Variants in CCDC186 observed in about 807,000 individuals in gnomAD.
CCDC186 encodes coiled-coil domain containing 186.
Under a neutral mutation model 113.7 loss-of-function variants are expected in CCDC186, and 49 were observed. The ratio of observed to expected loss-of-function variants is 0.43; its 90% confidence interval spans 0.34 to 0.55. The LOEUF (loss-of-function observed/expected upper bound fraction) is 0.55, where lower values mean the gene tolerates loss of function less well. CCDC186 is among the 20% of genes least tolerant of loss of function. The pLI, the probability that CCDC186 is intolerant of heterozygous loss-of-function variation, is 0.02. For synonymous variants in CCDC186, 355 were observed against 345.8 expected (o/e 1.03, Z -0.30); for missense variants, 890 against 1,011.1 (o/e 0.88, Z 1.62).
Position 114,163,191 on chromosome 10 carries a change from T to A in CCDC186, c.78A>T (p.Ser26=), listed in dbSNP as rs745665686. The change falls in exon 2 of 16, where the codon TCA becomes TCT. Residue 26 remains serine, a synonymous_variant. Coordinates refer to ENST00000369287, the MANE Select transcript of CCDC186 (RefSeq NM_018017.4). ...TTTCATTGCCAGAAAACAAGTTGCA[T>A]GAGTCTTCCTTTAATTCAGGTGTTT... ...VGKTPELKED[S]CNLFSGNESS... is the part of the protein sequence containing the mutation. 2 of 1,614,044 alleles carry A rather than the reference T, an allele frequency of 1.2e-6. No homozygotes were observed. Among genetic ancestry groups the A allele is most frequent in the Non-Finnish European group, 8.5e-7 (1 of 1,180,008 alleles).
chr10:114,123,309 A>C lies in CCDC186; in HGVS notation c.*1834T>G, dbSNP rs528322138. The C allele has an allele frequency of 3.3e-5, 5 of 152,714 alleles. No homozygotes were observed. In the East Asian group the frequency reaches 7.7e-4, roughly 24 times the overall value. 9.5% of individuals were successfully genotyped at this position (152,714 alleles called of 1,614,324 possible). ...TATTCTAAAAATAAAACATCTTTGAACATATATTTTCATTTTGAAGTGAAA... is the reference window on the plus strand; with the variant it reads ...TATTCTAAAAATAAAACATCTTTGACCATATATTTTCATTTTGAAGTGAAA... On this transcript the variant is annotated 3_prime_UTR_variant, in exon 16 of 16. Transcript: ENST00000369287.
chr10:114,155,865 A>C (rs1305217130), intron 3 of CCDC186, among the ~76,000 whole-genome samples: 2 of 152,192 alleles, frequency 1.3e-5, no homozygotes, highest in African/African-American at 2.4e-5. Flanking sequence ...CTCAATTTAG[A>C]CTAGCTACCT....
At position 114,145,615 on chromosome 10, in the gene CCDC186, T is replaced by C. The variant is rs1315360726; in HGVS notation, c.1035A>G (p.Lys345=). Residue 345 remains lysine (K), a synonymous_variant, in exon 5 of 16, where the codon AAA becomes AAG. Coordinates refer to ENST00000369287, the MANE Select transcript of CCDC186 (RefSeq NM_018017.4). The stretch of plus-strand genomic sequence containing the variant: ...AAAGCTGCTTAATTTTGTTAGTGTT[T>C]TTCTCAAGTTCCTTATTTGCATCTC... ...KLRDANKELE[K]NTNKIKQLSQ... is the part of the protein sequence containing the mutation. 14 of 1,613,284 alleles carry C rather than the reference T, an allele frequency of 8.7e-6. No homozygotes were observed. Among genetic ancestry groups the C allele is most frequent in the Non-Finnish European group, 1.1e-5 (13 of 1,179,908 alleles).
At chr10:114,162,311 T>C (rs368366174) in intron 2 of CCDC186, 16 of 168,648 alleles carry the variant, frequency 9.5e-5, no homozygotes, top group African/African-American at 3.9e-4. Flanking sequence ...TGTGGAATTT[T>C]ATGACTTGTT....
At chr10:114,158,615 G>A (rs1403904406) in intron 2 of CCDC186, among the ~76,000 whole-genome samples, 2 of 150,316 alleles carry the variant, frequency 1.3e-5, no homozygotes, top group African/African-American at 4.9e-5. Context: ...AGGAGTCCCA[G>A]GAAAAGCACT....
chr10:114,149,127 T>C (rs2031734133), intron 4 of CCDC186, among the ~76,000 whole-genome samples: 1 of 152,194 alleles, frequency 6.6e-6, no homozygotes, highest in African/African-American at 2.4e-5. Context: ...AAAATCTACT[T>C]TAATAATATC....
chr10:114,142,331 C>T (rs1207519367), intron 6 of CCDC186, among the ~76,000 whole-genome samples: 1 of 152,240 alleles, frequency 6.6e-6, no homozygotes, highest in African/African-American at 2.4e-5. Context: ...GAATATTCTT[C>T]TAGCTTTCTC....
At position 114,120,941 on chromosome 10, in the gene CCDC186, C is replaced by A. The variant is rs2030699135; in HGVS notation, c.*4202G>T. 1 of 151,978 alleles carries A rather than the reference C, an allele frequency of 6.6e-6. No individual in the cohort carries two copies. The highest frequency in any genetic ancestry group is 2.4e-5 in the African/African-American group (1 of 41,372). The allele number at this position is 151,978 out of a possible 1,614,324, so 9.4% of individuals were successfully genotyped here. ...TGAAAAGTTTCATTTTATACAGAAA[C>A]ATATTTACAAGAAACAGTGTAATCA... On this transcript the variant is annotated 3_prime_UTR_variant, in exon 16 of 16. Coordinates refer to ENST00000369287, the MANE Select transcript of CCDC186 (RefSeq NM_018017.4).
At chr10:114,172,029 A>G (rs576320204) in intron 1 of CCDC186, among the ~76,000 whole-genome samples, 1 of 152,354 alleles carries the variant, frequency 6.6e-6, no homozygotes, top group Non-Finnish European at 1.5e-5. Context: ...AATACTAAGT[A>G]TAACATTTGC....
chr10:114,133,100 T>A (rs1038453351), intron 10 of CCDC186, among the ~76,000 whole-genome samples: 1 of 152,172 alleles, frequency 6.6e-6, no homozygotes, highest in Non-Finnish European at 1.5e-5. Flanking sequence ...CTAACCATAG[T>A]GTGGAAAACA....
At chr10:114,160,736 T>TA (rs2032148082) in intron 2 of CCDC186, among the ~76,000 whole-genome samples, 1 of 152,176 alleles carries the variant, frequency 6.6e-6, no homozygotes, top group African/African-American at 2.4e-5. Context: ...CATTAAAATT[T>TA]CAAAGAAAGT....
Position 114,135,879 on chromosome 10 carries a change from A to G in CCDC186, c.1512+12T>C. 6.3e-7 allele frequency: 1 copy of G among 1,584,992 alleles called. No homozygotes were observed. Among genetic ancestry groups the G allele is most frequent in the Non-Finnish European group, 8.6e-7 (1 of 1,156,542 alleles). Reference sequence around the variant, plus strand: ...ACCCTTCCTCTGGATTCATGACTAAAGACTGAATTACCTTTGTTCTCAGTG... The same window carrying G: ...ACCCTTCCTCTGGATTCATGACTAAGGACTGAATTACCTTTGTTCTCAGTG... On this transcript the variant is annotated intron_variant, in intron 9 of 15. Transcript: ENST00000369287.
chr10:114,121,265 T>C lies in CCDC186; in HGVS notation c.*3878A>G, dbSNP rs1219325739. On this transcript the variant is annotated 3_prime_UTR_variant, in exon 16 of 16. Coordinates refer to ENST00000369287, the MANE Select transcript of CCDC186 (RefSeq NM_018017.4). ...TCAACAATCTTGGTGTCAAAAAAAA[T>C]TGCTTTTAAAAAAAGGTTATTGAAA... is the stretch of plus-strand genomic sequence containing the variant. The C allele has an allele frequency of 1.3e-5, 2 of 152,104 alleles. No homozygotes were observed. Among genetic ancestry groups the C allele is most frequent in the East Asian group, 1.9e-4 (1 of 5,200 alleles). The allele number at this position is 152,104 out of a possible 1,614,324, so 9.4% of individuals were successfully genotyped here.
intron 3 of CCDC186, among the ~76,000 whole-genome samples, chr10:114,153,140 AC>A (rs1236148336): frequency 1.3e-5 from 2 of 152,188 alleles, no homozygotes; most frequent in Non-Finnish European, 2.9e-5. Flanking sequence ...ACAACACTCC[AC>A]CCAGGAACAG....
intron 14 of CCDC186, among the ~76,000 whole-genome samples, chr10:114,126,691 TTC>T (rs754260398): frequency 5.9e-5 from 9 of 152,250 alleles, no homozygotes; most frequent in Non-Finnish European, 1.3e-4. Flanking sequence ...TGTTAATATT[TTC>T]TGTTTTCCTC....
chr10:114,160,595 T>C (rs1443856766), intron 2 of CCDC186, among the ~76,000 whole-genome samples: 3 of 150,900 alleles, frequency 2.0e-5, no homozygotes, highest in Non-Finnish European at 4.4e-5. Context: ...ATTGTGGTAA[T>C]CATTTCACGA....
Position 114,137,008 on chromosome 10 carries a change from T to C in CCDC186, c.1326+178A>G, listed in dbSNP as rs893343668. Among the ~76,000 whole-genome samples the C allele has an allele frequency of 2.0e-5, 3 of 151,938 alleles. No homozygotes were observed. Among genetic ancestry groups the C allele is most frequent in the Non-Finnish European group, 2.9e-5 (2 of 67,978 alleles). On this transcript the variant is annotated intron_variant, in intron 7 of 15. Coordinates refer to ENST00000369287, the MANE Select transcript of CCDC186 (RefSeq NM_018017.4). The stretch of plus-strand genomic sequence containing the variant: ...GGCAGGCACTTGTAATCCCAGCTAC[T>C]TGGGAGGCTGGGGCAGGAGAATCGC...
intron 7 of CCDC186, among the ~76,000 whole-genome samples, chr10:114,136,692 G>C (rs660101): frequency 0.46 from 70,254 of 151,956 alleles, 17,225 homozygotes; most frequent in African/African-American, 0.63. Context: ...TGTTGGAAAA[G>C]TTCTCTTATA....
At chr10:114,159,995 C>A (rs962408372) in intron 2 of CCDC186, among the ~76,000 whole-genome samples, 1 of 151,920 alleles carries the variant, frequency 6.6e-6, no homozygotes, top group Non-Finnish European at 1.5e-5. Context: ...TTGGGCCAGG[C>A]GCAGTGGCTC....
Sources: allele counts gnomAD v4.1 joint callset (sites outside exome capture counted in the v4.1 genomes callset), GRCh38; gene constraint gnomAD v4.1.1; transcripts MANE v1.5; gene names NCBI Gene and HGNC (gene_info 2026-07-23, HGNC 2026-07-21).